The following ARHGAP12 variants were observed in gnomAD, a reference collection of about 807,000 sequenced individuals.
ARHGAP12 encodes Rho GTPase activating protein 12.
Under a neutral mutation model 108.6 loss-of-function variants are expected in ARHGAP12, and 64 were observed. The ratio of observed to expected loss-of-function variants is 0.59; its 90% CI spans 0.48 to 0.73. ARHGAP12 has a LOEUF of 0.73. Ranked by LOEUF, ARHGAP12 falls within the 30% of genes least tolerant of loss-of-function variation. The pLI, the probability that ARHGAP12 is intolerant of heterozygous loss-of-function variation, is 0.00. For missense variants in ARHGAP12, 940 were observed against 1,005.9 expected, an observed-to-expected ratio of 0.93 and a Z score of 0.89; for synonymous variants, 312 against 337.2, an observed-to-expected ratio of 0.93 and a Z score of 0.82.
At chr10:31,825,028 G>C (rs971998908) in intron 11 of ARHGAP12, among the ~76,000 whole-genome samples, 6 of 152,152 alleles carry the variant, frequency 3.9e-5, no homozygotes, top group African/African-American at 1.2e-4. Flanking sequence ...TTTACTTTAA[G>C]ATATATCAAA....
At chr10:31,834,206 C>T (rs1281203624) in intron 9 of ARHGAP12, among the ~76,000 whole-genome samples, 1 of 152,130 alleles carries the variant, frequency 6.6e-6, no homozygotes, top group Non-Finnish European at 1.5e-5. Context: ...TTTATGACTG[C>T]CTCAGTTTGT....
rs187110436 is a variant in ARHGAP12, at chr10:31,843,732, T to A, written c.1171-146A>T. The A allele has an allele frequency of 7.8e-5, 71 of 911,392 alleles. No homozygotes were observed. The African/African-American group carries it at 1.0e-3, about 13-fold the overall frequency. The allele number at this position is 911,392 out of a possible 1,614,324, so 56.5% of individuals were successfully genotyped here. ...TCTCCACAAATTTTCCAGCCTCAGT[T>A]TTCTCATCTTTAACCAGAACTGTGG... On this transcript the variant is annotated intron_variant, in intron 6 of 19. Coordinates refer to ENST00000344936, the MANE Select transcript of ARHGAP12 (RefSeq NM_018287.7).
At chr10:31,834,984 A>G (rs1212193099) in intron 9 of ARHGAP12, among the ~76,000 whole-genome samples, 1 of 152,102 alleles carries the variant, frequency 6.6e-6, no homozygotes, top group Non-Finnish European at 1.5e-5. Context: ...GTGGATCACG[A>G]GGTCAGGAGT....
chr10:31,853,934 G>T, intron 5 of ARHGAP12, 132 bp downstream of exon 5: 3 of 935,494 alleles, frequency 3.2e-6, no homozygotes, highest in Non-Finnish European at 3.1e-6. Flanking sequence ...ATTGTCAATT[G>T]GCATGATTAT....
chr10:31,852,447 G>A, intron 6 of ARHGAP12, 70 bp downstream of exon 6: 2 of 1,190,276 alleles, frequency 1.7e-6, no homozygotes, highest in South Asian at 2.5e-5. Flanking sequence ...AAATAAATCT[G>A]CTGAAACCAT....
chr10:31,911,566 T>C (rs568464499), intron 1 of ARHGAP12, among the ~76,000 whole-genome samples: 22 of 152,280 alleles, frequency 1.4e-4, no homozygotes, highest in African/African-American at 5.3e-4. Flanking sequence ...CACCCACCTC[T>C]GCCTCTCAAA....
intron 16 of ARHGAP12, 38 bp from the exon 17 acceptor site, chr10:31,809,345 A>C: frequency 6.4e-7 from 1 of 1,571,548 alleles, no homozygotes; most frequent in Non-Finnish European, 8.8e-7. Context: ...TGTGTGTTTA[A>C]AGTACTTCTT....
intron 1 of ARHGAP12, among the ~76,000 whole-genome samples, chr10:31,923,320 T>A (rs1224736721): frequency 6.6e-6 from 1 of 152,102 alleles, no homozygotes; most frequent in Non-Finnish European, 1.5e-5. Flanking sequence ...TACCAGTGTT[T>A]TTGAGAATGC....
At chr10:31,915,254 C>T (rs934899556) in intron 1 of ARHGAP12, among the ~76,000 whole-genome samples, 2 of 151,944 alleles carry the variant, frequency 1.3e-5, no homozygotes, top group African/African-American at 2.4e-5. Context: ...GGCGTGGTAG[C>T]GCATGCCTGT....
chr10:31,865,480 T>C (rs1482872257), intron 3 of ARHGAP12, among the ~76,000 whole-genome samples: 3 of 152,066 alleles, frequency 2.0e-5, no homozygotes, highest in African/African-American at 4.8e-5. Flanking sequence ...AAACAGGAGT[T>C]ACATTTAGAT....
intron 3 of ARHGAP12, among the ~76,000 whole-genome samples, chr10:31,864,336 A>G (rs570647681): frequency 1.3e-5 from 2 of 151,654 alleles, no homozygotes; most frequent in East Asian, 3.9e-4. Context: ...ACTAACACAA[A>G]TAAGCCTTAA....
intron 3 of ARHGAP12, among the ~76,000 whole-genome samples, chr10:31,882,534 G>A (rs2132371406): frequency 6.6e-6 from 1 of 152,290 alleles, no homozygotes; most frequent in African/African-American, 2.4e-5. Flanking sequence ...TAGAAACTAG[G>A]CTGGGTGCAG....
chr10:31,900,597 A>C (rs1375463318), intron 3 of ARHGAP12, among the ~76,000 whole-genome samples: 1 of 152,230 alleles, frequency 6.6e-6, no homozygotes, highest in Non-Finnish European at 1.5e-5. Context: ...AGCCAATCTG[A>C]AAAGGCTACC....
Position 31,831,730 on chromosome 10 carries a change from T to G in ARHGAP12, c.1448+9A>C, listed in dbSNP as rs756823409. The G allele has an allele frequency of 5.2e-6, 8 of 1,546,618 alleles. No homozygotes were observed. Among genetic ancestry groups the G allele is most frequent in the African/African-American group, 4.1e-5 (3 of 73,404 alleles). ...ATCATGTAAGAACATTAAAGACTTG[T>G]GTACTTACCGAACCTTTTTCCCATT... is the stretch of plus-strand genomic sequence containing the variant. On this transcript the variant is annotated intron_variant, in intron 10 of 19. Coordinates refer to ENST00000344936, the MANE Select transcript of ARHGAP12 (RefSeq NM_018287.7).
chr10:31,849,072 G>T (rs1034552305), intron 6 of ARHGAP12, among the ~76,000 whole-genome samples: 2 of 151,272 alleles, frequency 1.3e-5, no homozygotes, highest in African/African-American at 4.9e-5. Flanking sequence ...AAAAAAAAAA[G>T]AACATTACTT....
intron 1 of ARHGAP12, among the ~76,000 whole-genome samples, chr10:31,927,358 T>C (rs926624333): frequency 7.2e-5 from 11 of 152,184 alleles, no homozygotes; most frequent in Admixed American, 2.0e-4. Context: ...AGGCCATCGT[T>C]CCCGACTTTT....
At chr10:31,828,612 T>C (rs144564846) in intron 10 of ARHGAP12, among the ~76,000 whole-genome samples, 1 of 152,262 alleles carries the variant, frequency 6.6e-6, no homozygotes, top group East Asian at 1.9e-4. Flanking sequence ...AGAACAAATA[T>C]TGAATACATA....
At chr10:31,892,948 A>C (rs899453401) in intron 3 of ARHGAP12, among the ~76,000 whole-genome samples, 22 of 152,182 alleles carry the variant, frequency 1.4e-4, no homozygotes, top group Non-Finnish European at 2.9e-4. Context: ...TAAGAAACTC[A>C]CTGAAAACCG....
At chr10:31,832,661 ACTCTCT>A (rs151070447) in intron 9 of ARHGAP12, among the ~76,000 whole-genome samples, 2 of 149,808 alleles carry the variant, frequency 1.3e-5, no homozygotes, top group African/African-American at 4.9e-5. Context: ...ATACACACGC[ACTCTCT>A]CTCTCTCTCT....
Sources: gnomAD v4.1 joint callset for allele counts (sites outside exome capture counted in the v4.1 genomes callset) on GRCh38, gnomAD v4.1.1 for gene constraint, MANE v1.5 for transcripts, NCBI Gene and HGNC (gene_info 2026-07-23, HGNC 2026-07-21) for gene names.